Variants in PRKG1 observed in about 807,000 individuals in gnomAD.
PRKG1 encodes protein kinase cGMP-dependent 1, also known as cGMP-dependent protein kinase 1.
In PRKG1, 35 loss-of-function variants were observed where a neutral mutation model predicts 88.1. The ratio of observed to expected loss-of-function variants is 0.40; its 90% CI spans 0.30 to 0.53. The LOEUF (loss-of-function observed/expected upper bound fraction) is 0.53, where lower values mean the gene tolerates loss of function less well. Ranked by LOEUF, PRKG1 falls within the 20% of genes least tolerant of loss-of-function variation. PRKG1 has a pLI of 0.59. For missense variants in PRKG1, 540 were observed against 839.8 expected, an observed-to-expected ratio of 0.64 and a Z score of 4.41; for synonymous variants, 303 against 292.5, an observed-to-expected ratio of 1.04 and a Z score of -0.37.
intron 2 of PRKG1, among the ~76,000 whole-genome samples, chr10:51,235,996 C>A (rs752210686): frequency 6.6e-6 from 1 of 152,112 alleles, no homozygotes; most frequent in African/African-American, 2.4e-5. Context: ...TTGCTGGTCC[C>A]GCCCTTAGAG....
At chr10:51,458,480 C>T (rs1490899494) in intron 2 of PRKG1, among the ~76,000 whole-genome samples, 1 of 151,222 alleles carries the variant, frequency 6.6e-6, no homozygotes, top group African/African-American at 2.4e-5. Context: ...TAACTGTTCC[C>T]TCGATTAGTT....
At chr10:51,164,558 C>A (rs1340468588) in intron 2 of PRKG1, among the ~76,000 whole-genome samples, 1 of 152,070 alleles carries the variant, frequency 6.6e-6, no homozygotes, top group Non-Finnish European at 1.5e-5. Context: ...GAATGACTTT[C>A]ACGAGTTGAG....
chr10:51,645,112 G>A (rs186901994), intron 3 of PRKG1, among the ~76,000 whole-genome samples: 6 of 152,194 alleles, frequency 3.9e-5, no homozygotes, highest in East Asian at 3.9e-4. Flanking sequence ...GTCAGCTGCC[G>A]CACCCAGCAT....
intron 17 of PRKG1, among the ~76,000 whole-genome samples, chr10:52,291,773 T>G (rs917155523): frequency 3.9e-5 from 6 of 151,920 alleles, no homozygotes; most frequent in Non-Finnish European, 5.9e-5. Flanking sequence ...TACCCAGTAA[T>G]GGGATGGCTG....
chr10:51,841,982 T>C (rs1840288591), intron 4 of PRKG1, among the ~76,000 whole-genome samples: 2 of 152,312 alleles, frequency 1.3e-5, no homozygotes, highest in African/African-American at 4.8e-5. Context: ...CGTGTCTGGC[T>C]GGCTTTCATA....
At chr10:52,272,320 G>T in intron 11 of PRKG1, 72 bp from the exon 12 acceptor site, 1 of 1,162,412 alleles carries the variant, frequency 8.6e-7, no homozygotes, top group African/African-American at 1.6e-5. Context: ...TATAATCTGG[G>T]CCCCCCAAAA....
intron 3 of PRKG1, among the ~76,000 whole-genome samples, chr10:51,594,740 T>C (rs1405301900): frequency 6.6e-6 from 1 of 152,182 alleles, no homozygotes; most frequent in Non-Finnish European, 1.5e-5. Flanking sequence ...GCCTGGGGGA[T>C]GTGGTGTGCT....
At chr10:51,004,332 G>A (rs976300492) in intron 1 of PRKG1, among the ~76,000 whole-genome samples, 2 of 152,116 alleles carry the variant, frequency 1.3e-5, no homozygotes, top group Non-Finnish European at 2.9e-5. Context: ...ACGTGGTGGT[G>A]CCTGTAATCC....
At chr10:51,022,015 C>T (rs1005566059) in intron 1 of PRKG1, among the ~76,000 whole-genome samples, 7 of 152,222 alleles carry the variant, frequency 4.6e-5, no homozygotes, top group Middle Eastern at 3.4e-3. Context: ...GAATCTTATT[C>T]GACAAACTCA....
chr10:51,483,077 A>G (rs978652792), intron 3 of PRKG1, among the ~76,000 whole-genome samples: 10 of 146,946 alleles, frequency 6.8e-5, no homozygotes, highest in Non-Finnish European at 1.3e-4. Context: ...CAGTGATTCA[A>G]TGGCACAATC....
intron 9 of PRKG1, among the ~76,000 whole-genome samples, chr10:52,220,836 G>A (rs1840226426): frequency 6.6e-6 from 1 of 152,016 alleles, no homozygotes; most frequent in Non-Finnish European, 1.5e-5. Context: ...ATTTAGGTTG[G>A]TTCCATGTCT....
chr10:51,725,435 CTT>C (rs35443695), intron 3 of PRKG1, among the ~76,000 whole-genome samples: 1 of 146,484 alleles, frequency 6.8e-6, no homozygotes, highest in African/African-American at 2.5e-5. Flanking sequence ...ACTTAGGCAA[CTT>C]TTTTTTTTTT....
chr10:51,953,945 C>G (rs1843244197), intron 5 of PRKG1, among the ~76,000 whole-genome samples: 1 of 152,028 alleles, frequency 6.6e-6, no homozygotes, highest in Admixed American at 6.6e-5. Context: ...TTCCACTGAG[C>G]AAAATGAGGC....
intron 1 of PRKG1, among the ~76,000 whole-genome samples, chr10:51,096,214 G>A (rs937649967): frequency 6.6e-6 from 1 of 152,062 alleles, no homozygotes; most frequent in East Asian, 1.9e-4. Flanking sequence ...AGGAAAGATA[G>A]GGCTTTGAAA....
intron 13 of PRKG1, 95 bp from the exon 14 acceptor site, chr10:52,282,057 TA>T (rs1402216614): frequency 8.2e-7 from 1 of 1,214,710 alleles, no homozygotes; most frequent in African/African-American, 1.5e-5. Context: ...TACATGTTTT[TA>T]AATTATTATC....
intron 5 of PRKG1, among the ~76,000 whole-genome samples, chr10:51,960,698 A>AGAT (rs1843426709): frequency 6.6e-6 from 1 of 152,194 alleles, no homozygotes; most frequent in Non-Finnish European, 1.5e-5. Context: ...GTTAGAAAGC[A>AGAT]GATTGTCTGT....
intron 7 of PRKG1, among the ~76,000 whole-genome samples, chr10:52,091,427 T>C (rs998958164): frequency 1.3e-5 from 2 of 152,192 alleles, no homozygotes; most frequent in African/African-American, 4.8e-5. Flanking sequence ...GGGAGGGATG[T>C]TGCATCAAAC....
intron 3 of PRKG1, among the ~76,000 whole-genome samples, chr10:51,553,956 A>G (rs1386259686): frequency 7.5e-6 from 1 of 133,334 alleles, no homozygotes; most frequent in Non-Finnish European, 1.6e-5. Context: ...TATATAATAT[A>G]TGTATGTATT....
At chr10:51,853,483 A>G (rs1414251153) in intron 4 of PRKG1, among the ~76,000 whole-genome samples, 1 of 152,134 alleles carries the variant, frequency 6.6e-6, no homozygotes, top group African/African-American at 2.4e-5. Flanking sequence ...TAATCATAGC[A>G]CACGTGGAGG....
Sources: allele counts gnomAD v4.1 joint callset (sites outside exome capture counted in the v4.1 genomes callset), GRCh38; gene constraint gnomAD v4.1.1; transcripts MANE v1.5; gene names NCBI Gene and HGNC (gene_info 2026-07-23, HGNC 2026-07-21).